The following DZIP1 variants were observed in gnomAD, a reference collection of about 807,000 sequenced individuals.
DZIP1 encodes DAZ interacting zinc finger protein 1, also known as cilium assembly protein DZIP1.
Under a neutral mutation model 107.6 loss-of-function variants are expected in DZIP1, and 97 were observed. The observed-to-expected ratio is 0.90, with a 90% CI of 0.77 to 1.07. The LOEUF (loss-of-function observed/expected upper bound fraction) is 1.07, where lower values mean the gene tolerates loss of function less well. Among genes scored for constraint, DZIP1 ranks in the 50% least tolerant of loss-of-function variants. The pLI is 0.00. For missense variants in DZIP1, 1,035 were observed against 1,063.6 expected, an observed-to-expected ratio of 0.97 and a Z score of 0.37; for synonymous variants, 390 against 386.4, an observed-to-expected ratio of 1.01 and a Z score of -0.11.
chr13:95,582,389 A>G, intron 22 of DZIP1, 76 bp from the exon 23 acceptor site: 6 of 1,209,092 alleles, frequency 5.0e-6, no homozygotes, highest in Non-Finnish European at 7.3e-6. Flanking sequence ...ATAAAAATCC[A>G]TAATTTCATA....
At chr13:95,611,842 T>A (rs2045018655) in intron 11 of DZIP1, among the ~76,000 whole-genome samples, 195 bp downstream of exon 11, 1 of 152,252 alleles carries the variant, frequency 6.6e-6, no homozygotes, top group African/African-American at 2.4e-5. Context: ...ACTGTATAAA[T>A]CTTCAACATA....
chr13:95,637,498 C>CAA (rs1877942617), intron 5 of DZIP1, among the ~76,000 whole-genome samples: 1 of 151,994 alleles, frequency 6.6e-6, no homozygotes, highest in Admixed American at 6.6e-5. Flanking sequence ...CAGCTACTTG[C>CAA]AAGGCTGAGG....
intron 10 of DZIP1, among the ~76,000 whole-genome samples, chr13:95,614,459 A>C (rs1474215572): frequency 6.6e-6 from 1 of 152,098 alleles, no homozygotes; most frequent in Non-Finnish European, 1.5e-5. Context: ...GGCCTTGATC[A>C]ACTACATGGG....
intron 9 of DZIP1, among the ~76,000 whole-genome samples, chr13:95,621,299 A>G (rs1465880986): frequency 6.6e-6 from 1 of 152,230 alleles, no homozygotes; most frequent in Non-Finnish European, 1.5e-5. Context: ...AGCAAAGAAC[A>G]GAGAAAGATG....
At chr13:95,587,441 A>G in intron 20 of DZIP1, 98 bp downstream of exon 20, 1 of 1,502,230 alleles carries the variant, frequency 6.7e-7, no homozygotes, top group South Asian at 1.3e-5. Context: ...TGTTCCTTGC[A>G]CACCCTCCCA....
chr13:95,597,642 C>T (rs189744216), intron 15 of DZIP1, among the ~76,000 whole-genome samples: 74 of 152,262 alleles, frequency 4.9e-4, no homozygotes, highest in African/African-American at 1.6e-3. Context: ...TATGGCAAAC[C>T]GGAGGTTGCT....
chr13:95,590,405 C>T lies in DZIP1; in HGVS notation c.1717G>A (p.Val573Ile), dbSNP rs373069857. The change falls in exon 17 of 23, where the codon GTA becomes ATA. Residue 573 changes from valine to isoleucine, a missense_variant. Val to Ile is a conservative substitution (Grantham distance 29). Coordinates refer to ENST00000376829, the MANE Select transcript of DZIP1 (RefSeq NM_198968.4). ...RGISSDQLHR[V>I]LKSVESERHK... ...CTTTCTGATTCCACACTTTTTAGTA[C>T]TCTATGCAACTGATCACTTGAAATG... is the stretch of plus-strand genomic sequence containing the variant. The T allele has an allele frequency of 3.1e-6, 5 of 1,610,914 alleles. No homozygotes were observed. The highest frequency in any genetic ancestry group is 3.4e-6 in the Non-Finnish European group (4 of 1,179,334).
In DZIP1 at chr13:95,620,053, T is replaced by C. The variant is rs7319355; in HGVS notation, c.1111-106A>G. Reference sequence around the variant, plus strand: ...TACCTATGAAACCCAACTATCTATCTGGTAAAATTTTAGCTAGTGAAACAG... The same window carrying C: ...TACCTATGAAACCCAACTATCTATCCGGTAAAATTTTAGCTAGTGAAACAG... On this transcript the variant is annotated intron_variant, in intron 9 of 22. Transcript: ENST00000376829. The C allele has an allele frequency of 2.0e-3, 2,451 of 1,241,344 alleles. 36 individuals carry two copies. In the African/African-American group the frequency reaches 0.033, roughly 17 times the overall value. 76.9% of individuals were successfully genotyped at this position (1,241,344 alleles called of 1,614,324 possible). A position where few individuals can be genotyped will look rare whatever the true frequency, so the allele number is the denominator to read the frequency against.
chr13:95,629,229 C>G (rs763769276), intron 7 of DZIP1, among the ~76,000 whole-genome samples: 17 of 152,228 alleles, frequency 1.1e-4, no homozygotes, highest in Non-Finnish European at 2.4e-4. Context: ...ATTAGGTACA[C>G]CAAGGTCAAC....
chr13:95,617,493 T>C (rs1274435613), intron 10 of DZIP1, among the ~76,000 whole-genome samples: 1 of 152,104 alleles, frequency 6.6e-6, no homozygotes, highest in Non-Finnish European at 1.5e-5. Context: ...ATACATGCCA[T>C]CTTCACCCAC....
intron 22 of DZIP1, 63 bp from the exon 23 acceptor site, chr13:95,582,376 T>G: frequency 7.5e-7 from 1 of 1,331,650 alleles, no homozygotes; most frequent in East Asian, 2.3e-5. Context: ...CATTGTCAAG[T>G]CTATAAAAAT....
rs146591251 is a variant in DZIP1 at position 95,594,015 on chromosome 13, G to C, written c.1609C>G (p.Leu537Val). The change falls in exon 16 of 23, where the codon CTC (leucine) becomes GTC (valine). Residue 537 changes from leucine to valine, a missense_variant. Physicochemically the swap from Leu to Val is conservative, Grantham distance 32. Coordinates refer to ENST00000376829, the MANE Select transcript of DZIP1 (RefSeq NM_198968.4). Reference sequence around the variant, plus strand: ...ACCATTGTTCTTAGTCCCTTAGTGAGGGAGGAGTTACTCTTCAAAGCTTTC... The same window carrying C: ...ACCATTGTTCTTAGTCCCTTAGTGACGGAGGAGTTACTCTTCAAAGCTTTC... Reference protein sequence around the residue: ...LRKALKSNSSLTKGLRTMVEQ... With the variant: ...LRKALKSNSSVTKGLRTMVEQ... 6.2e-6 allele frequency: 10 copies of C among 1,611,838 alleles called. No homozygotes were observed. Among genetic ancestry groups the C allele is most frequent in the African/African-American group, 1.3e-5 (1 of 74,768 alleles).
intron 5 of DZIP1, 80 bp from the exon 6 acceptor site, chr13:95,633,401 G>C: frequency 8.1e-7 from 1 of 1,230,942 alleles, no homozygotes. Context: ...TCAGGTACCT[G>C]GCCAGGCACT....
At chr13:95,591,022 CTTTTTTT>C (rs755824494) in intron 16 of DZIP1, among the ~76,000 whole-genome samples, 2 of 127,452 alleles carry the variant, frequency 1.6e-5, no homozygotes, top group African/African-American at 2.9e-5. Flanking sequence ...GAGGTGACTT[CTTTTTTT>C]TTTTTTTTTT....
intron 10 of DZIP1, among the ~76,000 whole-genome samples, chr13:95,617,398 G>C (rs758164142): frequency 6.6e-6 from 1 of 152,068 alleles, no homozygotes; most frequent in Non-Finnish European, 1.5e-5. Context: ...ACACAGCCCA[G>C]ATGACACTCT....
At chr13:95,617,860 C>T in intron 10 of DZIP1, 1 of 517,106 alleles carries the variant, frequency 1.9e-6, no homozygotes, top group East Asian at 5.5e-5. Flanking sequence ...CAGGAAAGTA[C>T]AGAAGAACTG....
At chr13:95,615,974 C>G (rs956531965) in intron 10 of DZIP1, among the ~76,000 whole-genome samples, 2 of 152,138 alleles carry the variant, frequency 1.3e-5, no homozygotes, top group Non-Finnish European at 2.9e-5. Context: ...AAAAAAAACA[C>G]CCTGATGAGG....
At chr13:95,621,208 G>C (rs955873108) in intron 9 of DZIP1, among the ~76,000 whole-genome samples, 2 of 152,208 alleles carry the variant, frequency 1.3e-5, no homozygotes, top group Non-Finnish European at 2.9e-5. Flanking sequence ...GGACAGGCAG[G>C]AAAGCAGCCA....
At chr13:95,640,826 A>C (rs1268413466) in intron 5 of DZIP1, among the ~76,000 whole-genome samples, 3 of 152,218 alleles carry the variant, frequency 2.0e-5, no homozygotes, top group Non-Finnish European at 4.4e-5. Context: ...GAAAATGTTA[A>C]TAATGGGGGA....
Sources: allele counts gnomAD v4.1 joint callset (sites outside exome capture counted in the v4.1 genomes callset), GRCh38; gene constraint gnomAD v4.1.1; transcripts MANE v1.5; gene names NCBI Gene and HGNC (gene_info 2026-07-23, HGNC 2026-07-21).